GYS2: variants seen among roughly 807,000 people sequenced by gnomAD.
GYS2 encodes glycogen [starch] synthase, liver.
In GYS2, 80 loss-of-function variants were observed where a neutral mutation model predicts 85.6. That is an observed-to-expected ratio of 0.93 (90% CI 0.78 to 1.13). The LOEUF is 1.13. Ranked by LOEUF, GYS2 falls within the 50% of genes most tolerant of loss-of-function variation. GYS2 has a pLI of 0.00. For missense variants in GYS2, 881 were observed against 854.9 expected, an observed-to-expected ratio of 1.03 and a Z score of -0.38; for synonymous variants, 328 against 300.7, an observed-to-expected ratio of 1.09 and a Z score of -0.94.
Position 21,560,469 on chromosome 12 carries a change from C to T in GYS2, c.1086G>A (p.Val362=), listed in dbSNP as rs2048997690. Residue 362 remains valine (V), a synonymous_variant, in exon 8 of 16, where the codon GTG becomes GTA. Coordinates refer to ENST00000261195, the MANE Select transcript of GYS2 (RefSeq NM_021957.4). ...TGGCAGGCATAATGAAAAACACCAT[C>T]ACTGTGATGTCACTTTTATGCATCT... ...LLRMHKSDIT[V]MVFFIMPAKT... is the part of the protein sequence containing the mutation. The T allele has an allele frequency of 6.5e-7, 1 of 1,545,984 alleles. No homozygotes were observed. Among genetic ancestry groups the T allele is most frequent in the East Asian group, 2.2e-5 (1 of 44,594 alleles).
chr12:21,564,977 T>A (rs1944300508), intron 5 of GYS2, among the ~76,000 whole-genome samples: 1 of 152,094 alleles, frequency 6.6e-6, no homozygotes, highest in Non-Finnish European at 1.5e-5. Flanking sequence ...CATACAACTG[T>A]ACCATACAAA....
At chr12:21,533,463 G>A (rs967607600), downstream of GYS2, among the ~76,000 whole-genome samples, 12 of 152,182 alleles carry the variant, frequency 7.9e-5, no homozygotes, top group East Asian at 1.5e-3. Flanking sequence ...CATTCTGTTC[G>A]GTCGCTTCAT....
In GYS2 at chr12:21,580,407, G is replaced by A; in HGVS notation, c.238C>T (p.Gln80Ter). ...FEHNMKTQVE[Q>*]CEPVNDAVRR... ...ACAGCATCATTTACAGGTTCACACTGTTCCACCTGAGTCTTCATATTATGC... is the reference window on the plus strand; with the variant it reads ...ACAGCATCATTTACAGGTTCACACTATTCCACCTGAGTCTTCATATTATGC... The change falls in exon 2 of 16, where the codon CAG becomes TAG. Residue 80 changes from glutamine (Q) to a stop codon, truncating the protein, a stop_gained. Transcript: ENST00000261195. LOFTEE classifies it high-confidence loss of function. 1 of 1,613,584 alleles carries A rather than the reference G, an allele frequency of 6.2e-7. No individual in the cohort carries two copies.
intron 1 of GYS2, among the ~76,000 whole-genome samples, chr12:21,582,632 TAGATA>T (rs1565608572): frequency 6.6e-6 from 1 of 151,878 alleles, no homozygotes; most frequent in East Asian, 1.9e-4. Flanking sequence ...GATATAGATA[TAGATA>T]TATATCTCCT....
chr12:21,596,106 T>C (rs1316011733), intron 1 of GYS2, among the ~76,000 whole-genome samples: 3 of 152,044 alleles, frequency 2.0e-5, no homozygotes, highest in African/African-American at 7.2e-5. Flanking sequence ...ATTTAATTGG[T>C]AATTAAAAAA....
downstream of GYS2, chr12:21,535,137 T>C (rs923459984): frequency 1.3e-5 from 2 of 152,246 alleles, no homozygotes; most frequent in African/African-American, 4.8e-5. Flanking sequence ...CTAAATTCCA[T>C]GTGCCCTATC....
At chr12:21,568,759 T>A in intron 5 of GYS2, 106 bp downstream of exon 5, 1 of 944,358 alleles carries the variant, frequency 1.1e-6, no homozygotes, top group Non-Finnish European at 1.8e-6. Context: ...GCGTGGTAAC[T>A]GAATGCAATT....
At position 21,558,262 on chromosome 12, in the gene GYS2, C is replaced by G. The variant is rs750540143; in HGVS notation, c.1360G>C (p.Asp454His). ...TTHNMIDDSTDPILSTIRRIG... is the reference protein window; with the variant it reads ...TTHNMIDDSTHPILSTIRRIG... ...CGTCTAATGGTGCTGAGGATGGGGT[C>G]GGTGGAGTCATCAATCATGTTGTGC... is the stretch of plus-strand genomic sequence containing the variant. Residue 454 changes from aspartate (D) to histidine (H), a missense_variant, in exon 11 of 16, where the codon GAC (aspartate) becomes CAC (histidine). By Grantham distance (81) the Asp-to-His change is moderately conservative (BLOSUM62 -1). Coordinates refer to ENST00000261195, the MANE Select transcript of GYS2 (RefSeq NM_021957.4). The G allele has an allele frequency of 2.5e-6, 4 of 1,613,706 alleles. No homozygotes were observed. The highest frequency in any genetic ancestry group is 4.5e-5 in the East Asian group (2 of 44,872).
intron 15 of GYS2, among the ~76,000 whole-genome samples, chr12:21,538,799 G>T (rs2136834779): frequency 6.6e-6 from 1 of 152,234 alleles, no homozygotes; most frequent in African/African-American, 2.4e-5. Flanking sequence ...ACGTCTAGTT[G>T]GATTTTAGAA....
At chr12:21,592,537 G>A (rs759449337) in intron 1 of GYS2, among the ~76,000 whole-genome samples, 1 of 151,822 alleles carries the variant, frequency 6.6e-6, no homozygotes, top group Non-Finnish European at 1.5e-5. Flanking sequence ...AAAACACTAA[G>A]AGACAAAAGT....
intron 7 of GYS2, 66 bp downstream of exon 7, chr12:21,562,852 C>A: frequency 4.4e-6 from 7 of 1,581,318 alleles, no homozygotes; most frequent in Middle Eastern, 1.7e-4. Flanking sequence ...CCAAAAAATT[C>A]TTCACTTCCC....
intron 1 of GYS2, among the ~76,000 whole-genome samples, chr12:21,593,859 C>T (rs1402080719): frequency 6.6e-6 from 1 of 151,930 alleles, no homozygotes; most frequent in Non-Finnish European, 1.5e-5. Flanking sequence ...TGTGAAAATC[C>T]TCAACAAAAT....
At chr12:21,545,522 A>C (rs1944028010) in intron 12 of GYS2, among the ~76,000 whole-genome samples, 1 of 152,218 alleles carries the variant, frequency 6.6e-6, no homozygotes, top group Non-Finnish European at 1.5e-5. Flanking sequence ...AGAGATGGAA[A>C]AGTTATTGTT....
At chr12:21,575,490 A>C (rs151222925) in intron 3 of GYS2, among the ~76,000 whole-genome samples, 1 of 152,302 alleles carries the variant, frequency 6.6e-6, no homozygotes, top group East Asian at 1.9e-4. Context: ...TGTAGTGTAC[A>C]TCAGGATCAC....
At position 21,537,829 on chromosome 12, in the gene GYS2, G is replaced by A. The variant is rs61926345; in HGVS notation, c.1891-654C>T. 6.6e-3 allele frequency among the ~76,000 whole-genome samples: 1,010 copies of A among 152,202 alleles called. 11 individuals carry two copies. The highest frequency in any genetic ancestry group is 9.9e-3 in the Non-Finnish European group (670 of 68,000). On this transcript the variant is annotated intron_variant, in intron 15 of 15. Transcript: ENST00000261195. ...ATAACTTATTTGATAAACACACACT[G>A]CAATGCCACTAAAGAAACCAGATGA... is the stretch of plus-strand genomic sequence containing the variant.
At position 21,569,023 on chromosome 12, in the gene GYS2, A is replaced by T; in HGVS notation, c.679-14T>A. On this transcript the variant is annotated splice_polypyrimidine_tract_variant and intron_variant, in intron 4 of 15. Coordinates refer to ENST00000261195, the MANE Select transcript of GYS2 (RefSeq NM_021957.4). Reference sequence around the variant, plus strand: ...GTCAATGTTAAACTGTTAGAAACAAAAATAAAACACACATTTGCTAACAAT... The same window carrying T: ...GTCAATGTTAAACTGTTAGAAACAATAATAAAACACACATTTGCTAACAAT... 6.2e-7 allele frequency: 1 copy of T among 1,613,898 alleles called. No individual in the cohort carries two copies. The highest frequency in any genetic ancestry group is 1.1e-5 in the South Asian group (1 of 91,084).
At chr12:21,565,557 G>C (rs1269581044) in intron 5 of GYS2, among the ~76,000 whole-genome samples, 1 of 149,100 alleles carries the variant, frequency 6.7e-6, no homozygotes, top group Non-Finnish European at 1.5e-5. Context: ...ATAGTAAAAT[G>C]TAGTAAAATA....
chr12:21,571,305 C>T (rs1332084205), intron 4 of GYS2, among the ~76,000 whole-genome samples: 6 of 152,210 alleles, frequency 3.9e-5, no homozygotes. Context: ...GTTGTCCATT[C>T]TTCCACATAT....
chr12:21,548,822 T>G (rs191484492), intron 11 of GYS2, among the ~76,000 whole-genome samples: 102 of 152,264 alleles, frequency 6.7e-4, no homozygotes, highest in Admixed American at 1.3e-3. Flanking sequence ...CCCAGCGCTT[T>G]TTTTTGGTGG....
Sources: gnomAD v4.1 joint callset for allele counts (sites outside exome capture counted in the v4.1 genomes callset) on GRCh38, gnomAD v4.1.1 for gene constraint, MANE v1.5 for transcripts, NCBI Gene and HGNC (gene_info 2026-07-23, HGNC 2026-07-21) for gene names.